Variants in SEMA3C observed in about 807,000 individuals in gnomAD.
The protein encoded by SEMA3C is semaphorin 3C.
SEMA3C carries 47 observed loss-of-function variants against 89.4 expected under a neutral mutation model. The observed-to-expected ratio is 0.53, with a 90% CI of 0.42 to 0.67. The LOEUF is 0.67. Among genes scored for constraint, SEMA3C ranks in the 30% least tolerant of loss-of-function variants. SEMA3C has a pLI of 0.00. For missense variants in SEMA3C, 839 were observed against 929.1 expected (o/e 0.90, Z 1.26); for synonymous variants, 310 against 320.2 (o/e 0.97, Z 0.34).
chr7:80,862,267 C>A (rs1401399646), intron 2 of SEMA3C, among the ~76,000 whole-genome samples: 1 of 152,062 alleles, frequency 6.6e-6, no homozygotes, highest in African/African-American at 2.4e-5. Context: ...CTAAGATACA[C>A]AAGTCAGTAG....
At chr7:80,881,782 T>C (rs577613443) in intron 2 of SEMA3C, among the ~76,000 whole-genome samples, 24 of 152,164 alleles carry the variant, frequency 1.6e-4, no homozygotes, top group Non-Finnish European at 2.9e-4. Context: ...AAACAGGCAG[T>C]GCATTAATAT....
Position 80,846,571 on chromosome 7 carries a change from T to C in SEMA3C, c.104-17826A>G, listed in dbSNP as rs184722941. On this transcript the variant is annotated intron_variant, in intron 2 of 17. Coordinates refer to ENST00000265361, the MANE Select transcript of SEMA3C (RefSeq NM_006379.5). ...GTCTAGAACTCTTGGCCTCAAGTAA[T>C]CCTTCCATATCAGCCTCCCAAAGTG... Among the ~76,000 whole-genome samples the C allele has an allele frequency of 1.9e-3, 294 of 152,216 alleles. 2 individuals carry two copies. Among genetic ancestry groups the C allele is most frequent in the African/African-American group, 6.7e-3 (280 of 41,534 alleles).
intron 2 of SEMA3C, among the ~76,000 whole-genome samples, chr7:80,875,041 G>A (rs1346517186): frequency 1.1e-4 from 16 of 151,156 alleles, no homozygotes; most frequent in South Asian, 4.2e-4. Context: ...CAGAGATCAC[G>A]CCACTGTACT....
At chr7:80,854,352 T>C (rs1790585263) in intron 2 of SEMA3C, among the ~76,000 whole-genome samples, 1 of 152,168 alleles carries the variant, frequency 6.6e-6, no homozygotes, top group Non-Finnish European at 1.5e-5. Flanking sequence ...CGCTGTTCCT[T>C]TAACTGAGCA....
chr7:80,881,633 A>G (rs1418129342), intron 2 of SEMA3C, among the ~76,000 whole-genome samples: 1 of 152,206 alleles, frequency 6.6e-6, no homozygotes, highest in Admixed American at 6.5e-5. Flanking sequence ...CCTACATGTG[A>G]TATTTGTCTT....
intron 12 of SEMA3C, among the ~76,000 whole-genome samples, chr7:80,770,728 G>A (rs1788411899): frequency 6.6e-6 from 1 of 152,124 alleles, no homozygotes; most frequent in Non-Finnish European, 1.5e-5. Context: ...ATGTAAGCCT[G>A]GCCAATAAGA....
intron 2 of SEMA3C, among the ~76,000 whole-genome samples, chr7:80,890,254 G>T (rs562751175): frequency 4.9e-4 from 74 of 152,128 alleles, no homozygotes; most frequent in Non-Finnish European, 9.3e-4. Flanking sequence ...TCTCCTCAAT[G>T]ACATATACAG....
chr7:80,910,821 A>C (rs1018842285), intron 2 of SEMA3C, among the ~76,000 whole-genome samples: 2 of 151,892 alleles, frequency 1.3e-5, no homozygotes, highest in African/African-American at 4.8e-5. Context: ...CCATTTTTTT[A>C]ATGCAATGAA....
chr7:80,891,080 C>G (rs1483627904), intron 2 of SEMA3C, among the ~76,000 whole-genome samples: 1 of 152,126 alleles, frequency 6.6e-6, no homozygotes, highest in African/African-American at 2.4e-5. Context: ...GCAGTCTGCT[C>G]GCTTCTGCCC....
intron 2 of SEMA3C, among the ~76,000 whole-genome samples, chr7:80,895,323 G>A (rs950407837): frequency 1.3e-5 from 2 of 152,116 alleles, no homozygotes; most frequent in Admixed American, 6.5e-5. Context: ...GAAGCCAGCC[G>A]ACTACCACTG....
chr7:80,876,167 C>T (rs1031767149), intron 2 of SEMA3C, among the ~76,000 whole-genome samples: 1 of 152,094 alleles, frequency 6.6e-6, no homozygotes, highest in African/African-American at 2.4e-5. Context: ...AAAGGGACTA[C>T]TGTATTAATA....
chr7:80,832,746 G>T (rs1790035698), intron 2 of SEMA3C, among the ~76,000 whole-genome samples: 1 of 152,110 alleles, frequency 6.6e-6, no homozygotes, highest in South Asian at 2.1e-4. Context: ...AAAAAAATCT[G>T]GATCTTTTAA....
chr7:80,846,269 T>G (rs971868204), intron 2 of SEMA3C, among the ~76,000 whole-genome samples: 1 of 152,182 alleles, frequency 6.6e-6, no homozygotes, highest in African/African-American at 2.4e-5. Flanking sequence ...TCTGTATTGT[T>G]TGGAAAACAT....
chr7:80,743,028 A>G lies in SEMA3C; in HGVS notation c.*1866T>C, dbSNP rs924396498. On this transcript the variant is annotated 3_prime_UTR_variant, in exon 18 of 18. Coordinates refer to ENST00000265361, the MANE Select transcript of SEMA3C (RefSeq NM_006379.5). ...TAAAGGGAACTGTGACTCTGAAACA[A>G]TTTTACTTTTAACTTTGAGAATAGA... The G allele has an allele frequency of 2.0e-5, 3 of 151,900 alleles. No individual in the cohort carries two copies. Among genetic ancestry groups the G allele is most frequent in the African/African-American group, 7.2e-5 (3 of 41,418 alleles). 9.4% of individuals were successfully genotyped at this position (151,900 alleles called of 1,614,324 possible). A position where few individuals can be genotyped will look rare whatever the true frequency, so the allele number is the denominator to read the frequency against.
At chr7:80,901,812 A>G (rs892910854) in intron 2 of SEMA3C, among the ~76,000 whole-genome samples, 1 of 152,248 alleles carries the variant, frequency 6.6e-6, no homozygotes, top group African/African-American at 2.4e-5. Flanking sequence ...GTACATTATA[A>G]GGTATTAAAT....
chr7:80,876,832 C>T (rs1019551034), intron 2 of SEMA3C, among the ~76,000 whole-genome samples: 12 of 152,176 alleles, frequency 7.9e-5, no homozygotes, highest in South Asian at 2.1e-4. Flanking sequence ...TCTTAAGCAG[C>T]GTGAAAACAC....
chr7:80,877,680 C>T, intron 2 of SEMA3C, among the ~76,000 whole-genome samples: 1 of 152,158 alleles, frequency 6.6e-6, no homozygotes, highest in Admixed American at 6.5e-5. Context: ...CTTTCTTGTC[C>T]ATGTGGACAC....
intron 2 of SEMA3C, among the ~76,000 whole-genome samples, chr7:80,851,123 C>T (rs192036920): frequency 3.9e-5 from 6 of 152,218 alleles, no homozygotes; most frequent in Admixed American, 3.9e-4. Context: ...ACTTGTGATT[C>T]CATTTAGGGC....
chr7:80,797,420 C>CA (rs1360452699), intron 11 of SEMA3C, among the ~76,000 whole-genome samples: 1 of 152,126 alleles, frequency 6.6e-6, no homozygotes, highest in African/African-American at 2.4e-5. Flanking sequence ...ACTAATATTG[C>CA]ATGATATGGA....
Sources: gnomAD v4.1 joint callset for allele counts (sites outside exome capture counted in the v4.1 genomes callset) on GRCh38, gnomAD v4.1.1 for gene constraint, MANE v1.5 for transcripts, NCBI Gene and HGNC (gene_info 2026-07-23, HGNC 2026-07-21) for gene names.